The following ASCC1 variants were observed in gnomAD, a reference collection of about 807,000 sequenced individuals.
The protein encoded by ASCC1 is activating signal cointegrator 1 complex subunit 1, also known as ASC-1 complex subunit P50.
Under a neutral mutation model 46.6 loss-of-function variants are expected in ASCC1, and 35 were observed. The ratio of observed to expected loss-of-function variants is 0.75; its 90% CI spans 0.57 to 0.99. The LOEUF is 0.99. Among genes scored for constraint, ASCC1 ranks in the 50% least tolerant of loss-of-function variants. ASCC1 has a pLI of 0.00. For synonymous variants in ASCC1, 143 were observed against 146.6 expected (o/e 0.98, Z 0.18); for missense variants, 376 against 428.7 (o/e 0.88, Z 1.09).
At chr10:72,133,571 T>C (rs1845848426) in intron 7 of ASCC1, 1 of 298,464 alleles carries the variant, frequency 3.4e-6, no homozygotes, top group Non-Finnish European at 6.5e-6. Context: ...TGCCAAGGCA[T>C]GCAAGATCAC....
intron 4 of ASCC1, among the ~76,000 whole-genome samples, chr10:72,200,129 C>G (rs1176369426): frequency 6.6e-6 from 1 of 151,996 alleles, no homozygotes; most frequent in Non-Finnish European, 1.5e-5. Flanking sequence ...TGGAATGAAT[C>G]TAGTATATTA....
chr10:72,216,870 A>C (rs1042227671), upstream of ASCC1: 2 of 456,020 alleles, frequency 4.4e-6, no homozygotes, highest in Admixed American at 2.4e-5. Context: ...TTGTTTGACA[A>C]AATTTTACTG....
At chr10:72,167,959 G>GC in intron 5 of ASCC1, among the ~76,000 whole-genome samples, 1 of 152,262 alleles carries the variant, frequency 6.6e-6, no homozygotes, top group South Asian at 2.1e-4. Flanking sequence ...GGGAGGCCGA[G>GC]GCAGGGGGAT....
At chr10:72,178,585 G>T (rs1852156515) in intron 5 of ASCC1, among the ~76,000 whole-genome samples, 1 of 152,140 alleles carries the variant, frequency 6.6e-6, no homozygotes, top group Non-Finnish European at 1.5e-5. Context: ...TTCTTCCCAA[G>T]AGCCTCCAGA....
upstream of ASCC1, chr10:72,216,319 G>C (rs959746579): frequency 2.5e-5 from 4 of 160,306 alleles, no homozygotes; most frequent in African/African-American, 9.6e-5. Flanking sequence ...CATGCGGGCC[G>C]AGGGCTGGCG....
chr10:72,169,949 G>T (rs555482188), intron 5 of ASCC1, among the ~76,000 whole-genome samples: 1 of 152,072 alleles, frequency 6.6e-6, no homozygotes, highest in African/African-American at 2.4e-5. Context: ...GTGAAACCCC[G>T]TCTCTACTAA....
At chr10:72,105,835 T>C (rs1158101298) in intron 9 of ASCC1, among the ~76,000 whole-genome samples, 2 of 152,066 alleles carry the variant, frequency 1.3e-5, no homozygotes, top group Non-Finnish European at 2.9e-5. Flanking sequence ...TCCTTCCCCA[T>C]TGCCCTGTGA....
intron 9 of ASCC1, chr10:72,102,371 A>G: frequency 1.3e-6 from 2 of 1,549,948 alleles, no homozygotes; most frequent in Non-Finnish European, 1.7e-6. Context: ...TCTCGATTCT[A>G]GGATTTTCCT....
intron 6 of ASCC1, among the ~76,000 whole-genome samples, chr10:72,156,544 T>C (rs895792557): frequency 1.3e-5 from 2 of 152,058 alleles, no homozygotes; most frequent in Non-Finnish European, 2.9e-5. Context: ...GGGTGGATCA[T>C]GAGGTCAGGA....
At chr10:72,138,893 C>G (rs570889078) in intron 7 of ASCC1, among the ~76,000 whole-genome samples, 13 of 151,836 alleles carry the variant, frequency 8.6e-5, no homozygotes, top group East Asian at 3.9e-4. Flanking sequence ...ACTGTGCACT[C>G]CACGAAGACT....
intron 4 of ASCC1, 67 bp from the exon 5 acceptor site, chr10:72,197,056 G>C: frequency 6.6e-7 from 1 of 1,504,860 alleles, no homozygotes; most frequent in Non-Finnish European, 9.2e-7. Flanking sequence ...AGGACCTCTT[G>C]ATACTGTCAC....
At chr10:72,097,510 C>T in intron 9 of ASCC1, 60 bp from the exon 10 acceptor site, 3 of 1,027,050 alleles carry the variant, frequency 2.9e-6, no homozygotes, top group East Asian at 5.0e-5. Context: ...AAATATTAAA[C>T]ATCAGATTAT....
chr10:72,130,129 A>G (rs1476767379), intron 8 of ASCC1, among the ~76,000 whole-genome samples: 2 of 152,198 alleles, frequency 1.3e-5, no homozygotes, highest in African/African-American at 4.8e-5. Flanking sequence ...GATTCTGTTT[A>G]TATGAAATGT....
At chr10:72,107,457 T>C (rs1379840344) in intron 9 of ASCC1, among the ~76,000 whole-genome samples, 2 of 151,908 alleles carry the variant, frequency 1.3e-5, no homozygotes, top group African/African-American at 4.8e-5. Context: ...ATGTGGGAGG[T>C]AGGAAGAGGC....
intron 9 of ASCC1, among the ~76,000 whole-genome samples, chr10:72,113,500 A>G: frequency 6.6e-6 from 1 of 152,244 alleles, no homozygotes; most frequent in East Asian, 1.9e-4. Flanking sequence ...TGACAGCCAT[A>G]TCTTCAGATG....
At chr10:72,138,996 T>G (rs1344575746) in intron 7 of ASCC1, among the ~76,000 whole-genome samples, 2 of 152,220 alleles carry the variant, frequency 1.3e-5, no homozygotes, top group African/African-American at 2.4e-5. Context: ...CATGCATTCA[T>G]GAATGAATTC....
chr10:72,210,906 C>A, intron 2 of ASCC1, 75 bp from the exon 3 acceptor site: 2 of 1,418,304 alleles, frequency 1.4e-6, no homozygotes, highest in Non-Finnish European at 2.0e-6. Flanking sequence ...CAGCTGTCAA[C>A]CGCTGTTGAG....
intron 3 of ASCC1, chr10:72,204,273 T>A: frequency 3.2e-6 from 3 of 940,566 alleles, no homozygotes; most frequent in Non-Finnish European, 4.7e-6. Context: ...TTTTTTCAAT[T>A]TTTTTCAATA....
intron 2 of ASCC1, 45 bp downstream of exon 2, chr10:72,213,142 C>T (rs894614814): frequency 1.5e-6 from 2 of 1,334,078 alleles, no homozygotes; most frequent in African/African-American, 1.5e-5. Flanking sequence ...CTACAATACA[C>T]AGGACATTTT....
Sources: gnomAD v4.1 joint callset for allele counts (sites outside exome capture counted in the v4.1 genomes callset) on GRCh38, gnomAD v4.1.1 for gene constraint, MANE v1.5 for transcripts, NCBI Gene and HGNC (gene_info 2026-07-23, HGNC 2026-07-21) for gene names.